The following SYNE1 variants were observed in gnomAD, a reference collection of about 807,000 sequenced individuals.
SYNE1 encodes the protein spectrin repeat containing nuclear envelope protein 1, also known as nesprin-1.
In SYNE1, 616 loss-of-function variants were observed where a neutral mutation model predicts 1,111.0. The ratio of observed to expected loss-of-function variants is 0.55; its 90% CI spans 0.52 to 0.59. The LOEUF is 0.59. Ranked by LOEUF, SYNE1 falls within the 20% of genes least tolerant of loss-of-function variation. The pLI is 0.00. For missense variants in SYNE1, 10,006 were observed against 10,417.0 expected (o/e 0.96, Z 1.72); for synonymous variants, 3,855 against 3,825.8 (o/e 1.01, Z -0.28).
In SYNE1 at chr6:152,255,765, G is replaced by T; in HGVS notation, c.19105-19C>A. 2 of 1,613,946 alleles carry T rather than the reference G, an allele frequency of 1.2e-6. No individual in the cohort carries two copies. Among genetic ancestry groups the T allele is most frequent in the Non-Finnish European group, 1.7e-6 (2 of 1,179,878 alleles). ...CTCCACTCTGGGAAACACAAAACAGGGTCAAATAATCAATTTCAGTGTTTT... is the reference window on the plus strand; with the variant it reads ...CTCCACTCTGGGAAACACAAAACAGTGTCAAATAATCAATTTCAGTGTTTT... On this transcript the variant is annotated intron_variant, in intron 102 of 145. Coordinates refer to ENST00000367255, the MANE Select transcript of SYNE1 (RefSeq NM_182961.4).
At chr6:152,547,948 C>T (rs1389084105) in intron 3 of SYNE1, among the ~76,000 whole-genome samples, 1 of 152,078 alleles carries the variant, frequency 6.6e-6, no homozygotes, top group African/African-American at 2.4e-5. Flanking sequence ...AATCATTTCA[C>T]AATTTATATG....
At chr6:152,384,697 G>A (rs753947913) in intron 55 of SYNE1, among the ~76,000 whole-genome samples, 4 of 152,038 alleles carry the variant, frequency 2.6e-5, no homozygotes, top group Non-Finnish European at 5.9e-5. Flanking sequence ...CCAACATGGT[G>A]AAGCCCCGTC....
At chr6:152,426,945 G>A (rs56059273) in intron 38 of SYNE1, among the ~76,000 whole-genome samples, 14 of 152,314 alleles carry the variant, frequency 9.2e-5, no homozygotes, top group African/African-American at 2.2e-4. Flanking sequence ...CCTCTTAAAC[G>A]TCTTATAAAA....
chr6:152,391,579 G>T lies in SYNE1; in HGVS notation c.7713-11C>A. On this transcript the variant is annotated splice_polypyrimidine_tract_variant and intron_variant, in intron 51 of 145. Coordinates refer to ENST00000367255, the MANE Select transcript of SYNE1 (RefSeq NM_182961.4). Reference sequence around the variant, plus strand: ...TTATCAAGAGACTCTCTGAAAAAAAGGAAAAAAAAAAAAAAGAAAAAAAAT... The same window carrying T: ...TTATCAAGAGACTCTCTGAAAAAAATGAAAAAAAAAAAAAAGAAAAAAAAT... The T allele has an allele frequency of 3.5e-6, 3 of 855,050 alleles. No individual in the cohort carries two copies. The highest frequency in any genetic ancestry group is 4.6e-6 in the Non-Finnish European group (3 of 653,974). 53.0% of individuals were successfully genotyped at this position (855,050 alleles called of 1,614,324 possible).
chr6:152,408,713 G>A (rs547901467), intron 44 of SYNE1, among the ~76,000 whole-genome samples: 1 of 152,166 alleles, frequency 6.6e-6, no homozygotes, highest in East Asian at 1.9e-4. Context: ...CAGCACTTTG[G>A]GAGGCCAAGG....
chr6:152,400,313 AG>A (rs1296606582), intron 47 of SYNE1, among the ~76,000 whole-genome samples: 3 of 152,210 alleles, frequency 2.0e-5, no homozygotes, highest in Non-Finnish European at 1.5e-5. Flanking sequence ...AAGTCAACTC[AG>A]TGCTTGTCCT....
chr6:152,603,461 A>T (rs920721827), intron 3 of SYNE1, among the ~76,000 whole-genome samples: 10 of 152,138 alleles, frequency 6.6e-5, no homozygotes. Flanking sequence ...GATCAAAGGA[A>T]ATGAAGCCAC....
At position 152,387,082 on chromosome 6, in the gene SYNE1, G is replaced by A; in HGVS notation, c.8477C>T (p.Thr2826Ile). ...ELKTQFNDIM[T>I]VAKEKMRKVE... The stretch of plus-strand genomic sequence containing the variant: ...ATATAAAGCACTAACCTTGGCAACA[G>A]TCATTATATCATTAAACTGTGTTTT... The change falls in exon 54 of 146, where the codon ACT becomes ATT. Residue 2826 changes from threonine (T) to isoleucine (I), a missense_variant. Thr to Ile is a moderately conservative substitution (Grantham distance 89, BLOSUM62 -1). Coordinates refer to ENST00000367255, the MANE Select transcript of SYNE1 (RefSeq NM_182961.4). The A allele has an allele frequency of 6.2e-7, 1 of 1,613,332 alleles. No homozygotes were observed. Among genetic ancestry groups the A allele is most frequent in the Middle Eastern group, 1.7e-4 (1 of 5,902 alleles).
In SYNE1 at chr6:152,385,795, AT is replaced by A; in HGVS notation, c.8530del (p.Met2844CysfsTer3). Reference sequence around the variant, plus strand: ...GAACTCGTGGACCGCATCTAAATACATTAGATGATCTTTCACAATCTCTTCC... The same window carrying A: ...GAACTCGTGGACCGCATCTAAATACATAGATGATCTTTCACAATCTCTTCC... ...KVEEIVKDHLMYLDAVHEFTD... is the reference protein window; with the variant it reads ...KVEEIVKDHLXYLDAVHEFTD... On this transcript the variant is annotated frameshift_variant, in exon 55 of 146. Coordinates refer to ENST00000367255, the MANE Select transcript of SYNE1 (RefSeq NM_182961.4). LOFTEE classifies it high-confidence loss of function. The A allele has an allele frequency of 6.2e-7, 1 of 1,614,070 alleles. No homozygotes were observed. Among genetic ancestry groups the A allele is most frequent in the Non-Finnish European group, 8.5e-7 (1 of 1,179,924 alleles).
intron 91 of SYNE1, 137 bp downstream of exon 91, chr6:152,308,352 C>T: frequency 8.1e-7 from 1 of 1,235,948 alleles, no homozygotes; most frequent in East Asian, 2.3e-5. Context: ...GCTTAGATAG[C>T]CAAAGAGGCC....
chr6:152,130,889 A>T (rs2055404433), intron 144 of SYNE1, 111 bp from the exon 145 acceptor site: 4 of 1,119,112 alleles, frequency 3.6e-6, no homozygotes, highest in Admixed American at 2.0e-5. Flanking sequence ...AAATAAATCA[A>T]ATGAAATGAT....
intron 3 of SYNE1, among the ~76,000 whole-genome samples, chr6:152,616,619 C>G (rs1041455305): frequency 6.6e-6 from 1 of 152,202 alleles, no homozygotes; most frequent in South Asian, 2.1e-4. Flanking sequence ...TGATTCTGGT[C>G]AAGGGAGCAT....
chr6:152,540,150 G>T, intron 3 of SYNE1, 129 bp from the exon 4 acceptor site: 1 of 909,900 alleles, frequency 1.1e-6, no homozygotes, highest in Non-Finnish European at 1.7e-6. Flanking sequence ...ACCAATTATT[G>T]TCTTGAAGGG....
chr6:152,453,825 G>C (rs2098671992), intron 24 of SYNE1, 105 bp from the exon 25 acceptor site: 2 of 1,456,370 alleles, frequency 1.4e-6, no homozygotes, highest in Non-Finnish European at 9.6e-7. Flanking sequence ...GCCAGCTGCT[G>C]CCCTCTTGCA....
At chr6:152,433,108 G>A (rs752999308) in intron 34 of SYNE1, among the ~76,000 whole-genome samples, 16 of 151,260 alleles carry the variant, frequency 1.1e-4, no homozygotes, top group Non-Finnish European at 1.9e-4. Flanking sequence ...AAAAAGCTGA[G>A]GTAGAAAAAG....
intron 21 of SYNE1, 82 bp downstream of exon 21, chr6:152,461,515 C>T (rs1268054003): frequency 6.4e-7 from 1 of 1,552,046 alleles, no homozygotes; most frequent in East Asian, 2.2e-5. Context: ...AACACTTTGC[C>T]CATGGGGAGA....
intron 14 of SYNE1, among the ~76,000 whole-genome samples, chr6:152,475,848 T>C (rs1175148285): frequency 6.6e-6 from 1 of 152,214 alleles, no homozygotes; most frequent in Admixed American, 6.5e-5. Context: ...ACTAGGAATT[T>C]TGAGCAGATT....
At chr6:152,145,911 G>A (rs2152853944) in intron 137 of SYNE1, 2 of 340,216 alleles carry the variant, frequency 5.9e-6, no homozygotes, top group East Asian at 1.5e-4. Flanking sequence ...TGTAATCCCA[G>A]CTACATGGGA....
Position 152,135,090 on chromosome 6 carries a change from T to G in SYNE1, c.25788+14A>C, listed in dbSNP as rs1260277735. On this transcript the variant is annotated intron_variant, in intron 142 of 145. Transcript: ENST00000367255. ...TAAAAATAACTGGAGGCTGCCAGAG[T>G]TCACACATCTTACCATAAGCTGTTT... 1 of 1,614,078 alleles carries G rather than the reference T, an allele frequency of 6.2e-7. No individual in the cohort carries two copies. Among genetic ancestry groups the G allele is most frequent in the East Asian group, 2.2e-5 (1 of 44,854 alleles).
Sources: gnomAD v4.1 joint callset for allele counts (sites outside exome capture counted in the v4.1 genomes callset) on GRCh38, gnomAD v4.1.1 for gene constraint, MANE v1.5 for transcripts, NCBI Gene and HGNC (gene_info 2026-07-23, HGNC 2026-07-21) for gene names.